The following PARP14 variants were observed in gnomAD, a reference collection of about 807,000 sequenced individuals.
PARP14 encodes the protein protein mono-ADP-ribosyltransferase PARP14.
A neutral mutation model predicts 154.2 loss-of-function variants in PARP14; 59 were observed. The ratio of observed to expected loss-of-function variants is 0.38; its 90% CI spans 0.31 to 0.48. The LOEUF is 0.48. Ranked by LOEUF, PARP14 falls within the 20% of genes least tolerant of loss-of-function variation. The probability of loss-of-function intolerance (pLI) is 0.98; values close to 1 mark genes in which losing one functional copy is unlikely to be tolerated. For synonymous variants in PARP14, 720 were observed against 780.5 expected (o/e 0.92, Z 1.29); for missense variants, 1,734 against 2,131.6 (o/e 0.81, Z 3.67).
chr3:122,727,891 CAATG>C lies in PARP14; in HGVS notation c.5027_5030del (p.Asn1676ArgfsTer79). 6.2e-7 allele frequency: 1 copy of C among 1,613,464 alleles called. No individual in the cohort carries two copies. The highest frequency in any genetic ancestry group is 2.2e-5 in the East Asian group (1 of 44,874). The stretch of plus-strand genomic sequence containing the variant: ...ACTATGGATGCCAAGAATGGCCAGA[CAATG>C]AATGAGAAGCAACTCTTCCATGGGA... On this transcript the variant is annotated frameshift_variant, in exon 16 of 17. Coordinates refer to ENST00000474629, the MANE Select transcript of PARP14 (RefSeq NM_017554.3). LOFTEE classifies it high-confidence loss of function.
intron 15 of PARP14, among the ~76,000 whole-genome samples, chr3:122,726,265 A>G (rs1416036301): frequency 6.6e-6 from 1 of 152,170 alleles, no homozygotes; most frequent in Non-Finnish European, 1.5e-5. Context: ...ATTTCTTCCA[A>G]TGCAGATCTG....
chr3:122,727,323 G>A (rs1015751020), intron 15 of PARP14, among the ~76,000 whole-genome samples: 6 of 152,290 alleles, frequency 3.9e-5, no homozygotes, highest in Non-Finnish European at 8.8e-5. Flanking sequence ...TTCATGCACC[G>A]GTCTTCCAAC....
Position 122,701,220 on chromosome 3 carries a change from A to T in PARP14, c.2666A>T (p.Glu889Val), listed in dbSNP as rs1488395512. ...HAVGPRWSGY[E>V]APRCVYLLRR... ...GTGGGGCCCCGCTGGAGCGGATATG[A>T]GGCCCCGAGGTGTGTGTACCTATTA... The change falls in exon 6 of 17, where the codon GAG (glutamate) becomes GTG (valine). Residue 889 changes from glutamate to valine, a missense_variant. This residue lies in a region of PARP14 where 1,646 missense variants were observed against 1,976.0 expected (regional missense o/e 0.83). Coordinates refer to ENST00000474629, the MANE Select transcript of PARP14 (RefSeq NM_017554.3). The surrounding 1 kb of genome is among the most constrained non-coding windows in gnomAD (Gnocchi z 4.0). The T allele has an allele frequency of 3.1e-6, 5 of 1,613,274 alleles. No homozygotes were observed. The highest frequency in any genetic ancestry group is 4.2e-6 in the Non-Finnish European group (5 of 1,179,604).
At chr3:122,714,232 A>C in intron 11 of PARP14, 30 bp from the exon 12 acceptor site, 1 of 1,565,870 alleles carries the variant, frequency 6.4e-7, no homozygotes, top group Non-Finnish European at 8.6e-7. Context: ...ACTTCTACTA[A>C]TTTTGCATCT....
At chr3:122,684,935 C>T (rs946478389) in intron 1 of PARP14, among the ~76,000 whole-genome samples, 7 of 152,268 alleles carry the variant, frequency 4.6e-5, no homozygotes, top group Middle Eastern at 6.8e-3. Context: ...TACAAATAGA[C>T]AAGAAAACTG....
chr3:122,714,460 C>A, intron 12 of PARP14, 31 bp downstream of exon 12: 1 of 1,506,388 alleles, frequency 6.6e-7, no homozygotes, highest in Non-Finnish European at 8.9e-7. Flanking sequence ...AAGGCTAAAT[C>A]CCAAGCCATC....
chr3:122,724,641 A>C (rs1933244156), intron 15 of PARP14, among the ~76,000 whole-genome samples: 1 of 151,702 alleles, frequency 6.6e-6, no homozygotes, highest in South Asian at 2.1e-4. Context: ...ATGTTGAAAA[A>C]AAAATTTTTT....
chr3:122,701,353 C>T lies in PARP14; in HGVS notation c.2799C>T (p.Cys933=), dbSNP rs142073365. 6,244 of 1,614,016 alleles carry T rather than the reference C, an allele frequency of 3.9e-3. 105 individuals are homozygous for T. In the East Asian group the frequency reaches 0.041, roughly 11 times the overall value. ...TCTTTGGCTTTCCCTTAGGCCGATGCGTGGAGACCATTGTTTCTGCCATCA... is the reference window on the plus strand; with the variant it reads ...TCTTTGGCTTTCCCTTAGGCCGATGTGTGGAGACCATTGTTTCTGCCATCA... ...SGVFGFPLGR[C]VETIVSAIKE... is the part of the protein sequence containing the mutation. Residue 933 remains cysteine (C), a synonymous_variant, in exon 6 of 17, where the codon TGC becomes TGT. Transcript: ENST00000474629. The surrounding 1 kb of genome is among the most constrained non-coding windows in gnomAD (Gnocchi z 4.0).
At position 122,718,181 on chromosome 3, in the gene PARP14, T is replaced by C. The variant is rs751434625; in HGVS notation, c.4111T>C (p.Phe1371Leu). ...QSVKKVKVVIFLPQVLDVFYA... is the reference protein window; with the variant it reads ...QSVKKVKVVILLPQVLDVFYA... Reference sequence around the variant, plus strand: ...TGTGAAAAAAGTTAAAGTTGTTATCTTTCTGCCTCAAGTACTGGATGTGTT... The same window carrying C: ...TGTGAAAAAAGTTAAAGTTGTTATCCTTCTGCCTCAAGTACTGGATGTGTT... Residue 1371 changes from phenylalanine to leucine, a missense_variant, in exon 13 of 17, where the codon TTT becomes CTT. This residue lies in a region of PARP14 where 1,646 missense variants were observed against 1,976.0 expected (regional missense o/e 0.83). Transcript: ENST00000474629. The C allele has an allele frequency of 2.5e-6, 4 of 1,613,716 alleles. No individual in the cohort carries two copies. The highest frequency in any genetic ancestry group is 4.5e-5 in the East Asian group (2 of 44,870).
At chr3:122,695,057 C>A (rs1211047176) in intron 4 of PARP14, among the ~76,000 whole-genome samples, 1 of 152,172 alleles carries the variant, frequency 6.6e-6, no homozygotes, top group Non-Finnish European at 1.5e-5. Context: ...TCACCAAGGG[C>A]ATTGTACACC....
chr3:122,703,087 G>T (rs1939038177), intron 6 of PARP14, among the ~76,000 whole-genome samples: 1 of 151,372 alleles, frequency 6.6e-6, no homozygotes, highest in Non-Finnish European at 1.5e-5. Flanking sequence ...AGCTTCCATG[G>T]CTGTAATAAC....
rs762893999 is a variant in PARP14, at chr3:122,695,601, T to G, written c.774T>G (p.Val258=). 6.2e-6 allele frequency: 10 copies of G among 1,610,784 alleles called. No homozygotes were observed. The highest frequency in any genetic ancestry group is 3.3e-5 in the Admixed American group (2 of 59,884). Residue 258 remains valine, a synonymous_variant, in exon 5 of 17, where the codon GTT becomes GTG. Transcript: ENST00000474629. ...FENPYNGGGR[V]ANVEYFPEES... ...ATCCCTATAATGGAGGGGGAAGAGT[T>G]GCCAATGTTGAATATTTTCCTGAAG... is the stretch of plus-strand genomic sequence containing the variant.
chr3:122,685,151 C>A, intron 1 of PARP14, 34 bp from the exon 2 acceptor site: 1 of 1,605,224 alleles, frequency 6.2e-7, no homozygotes, highest in South Asian at 1.1e-5. Context: ...GATTGCTTGT[C>A]ATTTGTCTTT....
At chr3:122,721,727 T>C (rs778504817) in intron 15 of PARP14, 1 of 152,268 alleles carries the variant, frequency 6.6e-6, no homozygotes, top group Non-Finnish European at 1.5e-5. Flanking sequence ...AAGCCGGAGA[T>C]CTTTGATCCA....
At chr3:122,682,430 T>G (rs1560042611) in intron 1 of PARP14, among the ~76,000 whole-genome samples, 1 of 152,076 alleles carries the variant, frequency 6.6e-6, no homozygotes, top group East Asian at 1.9e-4. Context: ...GAATGTGGGG[T>G]GGGTGGGAAG....
At chr3:122,705,526 C>T (rs1183344614) in intron 8 of PARP14, among the ~76,000 whole-genome samples, 3 of 152,240 alleles carry the variant, frequency 2.0e-5, no homozygotes, top group African/African-American at 7.2e-5. Flanking sequence ...CATGATTCAG[C>T]TCACATCAGC....
intron 15 of PARP14, 92 bp downstream of exon 15, chr3:122,720,480 C>T (rs975932701): frequency 2.5e-6 from 3 of 1,221,828 alleles, no homozygotes; most frequent in Non-Finnish European, 3.5e-6. Context: ...CTTCCTATCA[C>T]ATTTTTTTAA....
At chr3:122,699,363 A>T in intron 5 of PARP14, 27 bp from the exon 6 acceptor site, 1 of 1,431,198 alleles carries the variant, frequency 7.0e-7, no homozygotes, top group Non-Finnish European at 9.6e-7. Context: ...TCCTGGGCTT[A>T]CATTATTTTA....
rs770788073 is a variant in PARP14 at position 122,718,695 on chromosome 3, T to C, written c.4544T>C (p.Ile1515Thr). 2 of 1,613,694 alleles carry C rather than the reference T, an allele frequency of 1.2e-6. No homozygotes were observed. The highest frequency in any genetic ancestry group is 1.7e-6 in the Non-Finnish European group (2 of 1,179,800). ...GCTAGAGATGAAATTGAGGCGATGA[T>C]CAAGAGAGTTCGATTGGCCAAAGAA... ...MQARDEIEAM[I>T]KRVRLAKEQE... Residue 1515 changes from isoleucine (I) to threonine (T), a missense_variant, in exon 14 of 17, where the codon ATC becomes ACC. By Grantham distance (89) the Ile-to-Thr change is moderately conservative. Coordinates refer to ENST00000474629, the MANE Select transcript of PARP14 (RefSeq NM_017554.3).
Sources: allele counts gnomAD v4.1 joint callset (sites outside exome capture counted in the v4.1 genomes callset), GRCh38; gene constraint gnomAD v4.1.1; regional missense constraint gnomAD v4.1.1; non-coding constraint Gnocchi (gnomAD v3.1); transcripts MANE v1.5; gene names NCBI Gene and HGNC (gene_info 2026-07-23, HGNC 2026-07-21).